The following TCF4 variants were observed in gnomAD, a reference collection of about 807,000 sequenced individuals.
TCF4 encodes transcription factor 4, also known as SL3-3 enhancer factor 2.
A neutral mutation model predicts 82.1 loss-of-function variants in TCF4; 3 were observed. That is an observed-to-expected ratio of 0.04 (90% CI 0.02 to 0.09). TCF4 has a LOEUF of 0.09. Among genes scored for constraint, TCF4 ranks in the 10% least tolerant of loss-of-function variants. TCF4 has a pLI of 1.00. For missense variants in TCF4, 518 were observed against 852.7 expected, an observed-to-expected ratio of 0.61 and a Z score of 4.89; for synonymous variants, 276 against 309.6, an observed-to-expected ratio of 0.89 and a Z score of 1.14.
chr18:55,451,912 G>A (rs575483236), intron 5 of TCF4, among the ~76,000 whole-genome samples: 26 of 152,234 alleles, frequency 1.7e-4, no homozygotes, highest in South Asian at 1.2e-3. Flanking sequence ...AGGCTAAAGC[G>A]GGAGGATCAC....
chr18:55,315,291 T>G (rs1413536450), intron 8 of TCF4, among the ~76,000 whole-genome samples: 4 of 152,154 alleles, frequency 2.6e-5, no homozygotes, highest in Non-Finnish European at 5.9e-5. Context: ...GTTAGAGGCG[T>G]AGTGTCTCTT....
chr18:55,311,110 C>T (rs971256770), intron 8 of TCF4, among the ~76,000 whole-genome samples: 1 of 149,182 alleles, frequency 6.7e-6, no homozygotes, highest in Non-Finnish European at 1.5e-5. Context: ...GTGTGCTATG[C>T]CAAAACAAAC....
chr18:55,284,137 GA>G (rs2063184484), intron 8 of TCF4: 1 of 152,118 alleles, frequency 6.6e-6, no homozygotes, highest in Admixed American at 6.6e-5. Context: ...TATCGGCCAG[GA>G]ACGGTGGCTC....
At chr18:55,341,748 C>G (rs151004575) in intron 8 of TCF4, among the ~76,000 whole-genome samples, 17 of 152,266 alleles carry the variant, frequency 1.1e-4, no homozygotes, top group Admixed American at 9.2e-4. Flanking sequence ...CCCTCACTCT[C>G]GTAAAGGTGG....
At chr18:55,618,102 T>G (rs2097713995) in intron 2 of TCF4, among the ~76,000 whole-genome samples, 1 of 152,176 alleles carries the variant, frequency 6.6e-6, no homozygotes, top group Non-Finnish European at 1.5e-5. Flanking sequence ...GTGGCCTTTA[T>G]TATGTTGTGG....
intron 2 of TCF4, among the ~76,000 whole-genome samples, chr18:55,624,167 T>C (rs911672834): frequency 1.3e-5 from 2 of 152,136 alleles, no homozygotes; most frequent in Admixed American, 1.3e-4. Context: ...TTAATGGTCA[T>C]TGTTTTCATC....
intron 8 of TCF4, among the ~76,000 whole-genome samples, chr18:55,343,106 C>A (rs146197558): frequency 6.6e-6 from 1 of 152,186 alleles, no homozygotes; most frequent in African/African-American, 2.4e-5. Context: ...AACAGTGACA[C>A]TTTTTGTATG....
intron 3 of TCF4, among the ~76,000 whole-genome samples, chr18:55,517,770 A>G (rs1702762436): frequency 6.6e-6 from 1 of 152,250 alleles, no homozygotes; most frequent in African/African-American, 2.4e-5. Context: ...AAAGCTACAT[A>G]TACTTCTGTT....
chr18:55,556,390 A>C (rs943339761), intron 3 of TCF4, among the ~76,000 whole-genome samples: 1 of 152,254 alleles, frequency 6.6e-6, no homozygotes, highest in Admixed American at 6.5e-5. Context: ...CAATAGTATT[A>C]TATTCATAAA....
In TCF4 at chr18:55,389,736, C is replaced by T. The variant is rs532048204; in HGVS notation, c.369+13718G>A. Among the ~76,000 whole-genome samples the T allele has an allele frequency of 1.4e-3, 217 of 152,118 alleles. 1 individual carries two copies. The highest frequency in any genetic ancestry group is 5.1e-3 in the African/African-American group (210 of 41,496). On this transcript the variant is annotated intron_variant, in intron 6 of 19. Transcript: ENST00000354452. ...AAGGACAGGCCCCAAAGCCAAGGAA[C>T]AATGTTTTGTGGAGACTGTCACTCC...
intron 8 of TCF4, among the ~76,000 whole-genome samples, chr18:55,337,160 G>A (rs1170388480): frequency 6.6e-6 from 1 of 151,892 alleles, no homozygotes; most frequent in African/African-American, 2.4e-5. Flanking sequence ...GAGAATGTGG[G>A]AACAGAAAGG....
intron 17 of TCF4, chr18:55,229,327 T>C: frequency 3.8e-6 from 2 of 525,638 alleles, no homozygotes; most frequent in South Asian, 2.0e-5. Flanking sequence ...AGATTAAAGT[T>C]AGAGTGCAGG....
intron 8 of TCF4, among the ~76,000 whole-genome samples, chr18:55,345,047 T>A (rs2080865604): frequency 6.6e-6 from 1 of 152,132 alleles, no homozygotes; most frequent in African/African-American, 2.4e-5. Context: ...GAGCTCATTA[T>A]TCCAAAATTC....
At chr18:55,587,292 G>T in intron 1 of TCF4, 156 bp from the exon 2 acceptor site, 1 of 323,216 alleles carries the variant, frequency 3.1e-6, no homozygotes, top group Non-Finnish European at 5.9e-6. Context: ...TTGTTGTTGG[G>T]TTGGGTTTGG....
In TCF4 at chr18:55,249,649, G is replaced by A. The variant is rs150056897; in HGVS notation, c.1350+4848C>T. Among the ~76,000 whole-genome samples, 111 of 152,294 alleles carry A rather than the reference G, an allele frequency of 7.3e-4. 1 individual carries two copies. The East Asian group carries it at 0.02, about 28-fold the overall frequency. On this transcript the variant is annotated intron_variant, in intron 15 of 19. Coordinates refer to ENST00000354452, the MANE Select transcript of TCF4 (RefSeq NM_001083962.2). ...CTACTAGCCTGTGAATTCCTTGAGAGCACAGAACCTACACTTGGTAACCAC... is the reference window on the plus strand; with the variant it reads ...CTACTAGCCTGTGAATTCCTTGAGAACACAGAACCTACACTTGGTAACCAC...
intron 8 of TCF4, among the ~76,000 whole-genome samples, chr18:55,310,497 A>C (rs1332773381): frequency 6.6e-6 from 1 of 152,244 alleles, no homozygotes. Context: ...CTCAGCCACC[A>C]GATCCTGCCA....
At chr18:55,371,354 T>C (rs976747562) in intron 6 of TCF4, among the ~76,000 whole-genome samples, 7 of 152,206 alleles carry the variant, frequency 4.6e-5, no homozygotes, top group Non-Finnish European at 5.9e-5. Context: ...CAGAGGAACC[T>C]GGGATCCAAG....
chr18:55,318,405 C>CA (rs1324588554), intron 8 of TCF4, among the ~76,000 whole-genome samples: 10 of 149,718 alleles, frequency 6.7e-5, no homozygotes, highest in Non-Finnish European at 1.0e-4. Flanking sequence ...ATTTTCTCTG[C>CA]AAAAAAAAAT....
intron 6 of TCF4, among the ~76,000 whole-genome samples, chr18:55,390,796 T>C (rs1309344753): frequency 6.6e-6 from 1 of 152,206 alleles, no homozygotes; most frequent in Non-Finnish European, 1.5e-5. Context: ...AGGGTGTGTG[T>C]ATTATCTGCA....
Sources: gnomAD v4.1 joint callset for allele counts (sites outside exome capture counted in the v4.1 genomes callset) on GRCh38, gnomAD v4.1.1 for gene constraint, MANE v1.5 for transcripts, NCBI Gene and HGNC (gene_info 2026-07-23, HGNC 2026-07-21) for gene names.